Variants in KANK1 observed in about 807,000 individuals in gnomAD.
KANK1 encodes the protein KN motif and ankyrin repeat domains 1, also known as KN motif and ankyrin repeat domain-containing protein 1.
A neutral mutation model predicts 106.2 loss-of-function variants in KANK1; 109 were observed. The ratio of observed to expected loss-of-function variants is 1.03; its 90% CI spans 0.88 to 1.20. KANK1 has a LOEUF of 1.20. Ranked by LOEUF, KANK1 falls within the 50% of genes most tolerant of loss-of-function variation. The pLI is 0.00. For missense variants in KANK1, 2,399 were observed against 1,710.7 expected, an observed-to-expected ratio of 1.40 and a Z score of -7.10; for synonymous variants, 873 against 652.2, an observed-to-expected ratio of 1.34 and a Z score of -5.16.
At chr9:640,753 G>C (rs1838241134) in intron 1 of KANK1, among the ~76,000 whole-genome samples, 1 of 148,076 alleles carries the variant, frequency 6.8e-6, no homozygotes, top group African/African-American at 2.5e-5. Flanking sequence ...CTGCAGTACA[G>C]TGGTGCAATC....
chr9:567,561 C>T (rs1818110009), intron 1 of KANK1, among the ~76,000 whole-genome samples: 1 of 152,230 alleles, frequency 6.6e-6, no homozygotes, highest in Admixed American at 6.5e-5. Flanking sequence ...AAAGCAGTTT[C>T]ACTTCCCTCT....
chr9:606,191 CAT>C (rs1563847488), intron 1 of KANK1, among the ~76,000 whole-genome samples: 1 of 150,476 alleles, frequency 6.6e-6, no homozygotes, highest in African/African-American at 2.5e-5. Context: ...ACCACTCACA[CAT>C]ATATACGTAC....
chr9:649,112 A>G lies in KANK1; in HGVS notation c.-83-27778A>G, dbSNP rs115876968. ...CTGTATCTCGTGAATAAGATAATAT[A>G]TTAAGTCTCCTGGCATATAAGGATA... On this transcript the variant is annotated intron_variant, in intron 1 of 11. Coordinates refer to ENST00000382297, the MANE Select transcript of KANK1 (RefSeq NM_015158.5). Among the ~76,000 whole-genome samples, 412 of 152,288 alleles carry G rather than the reference A, an allele frequency of 2.7e-3. 7 individuals carry two copies. Among genetic ancestry groups the G allele is most frequent in the African/African-American group, 9.9e-3 (410 of 41,534 alleles).
intron 2 of KANK1, among the ~76,000 whole-genome samples, chr9:682,148 T>C (rs140305523): frequency 0.015 from 2,280 of 151,828 alleles, 39 homozygotes; most frequent in Middle Eastern, 0.058. Context: ...GGTGTGGTGG[T>C]GGGCGCCTGT....
At chr9:610,674 C>G (rs899507208) in intron 1 of KANK1, among the ~76,000 whole-genome samples, 1 of 152,126 alleles carries the variant, frequency 6.6e-6, no homozygotes, top group African/African-American at 2.4e-5. Flanking sequence ...TTGAAGAATC[C>G]TTGTAGATAA....
intron 2 of KANK1, among the ~76,000 whole-genome samples, chr9:705,087 A>G (rs1823712925): frequency 1.3e-5 from 2 of 152,118 alleles, no homozygotes; most frequent in Admixed American, 1.3e-4. Flanking sequence ...TCCACAACCT[A>G]AAGATAACAA....
intron 1 of KANK1, among the ~76,000 whole-genome samples, chr9:511,014 T>C (rs910606667): frequency 1.2e-4 from 18 of 152,296 alleles, no homozygotes; most frequent in African/African-American, 4.3e-4. Context: ...ACTAGAAAGC[T>C]AAGAGTTCAT....
At chr9:536,752 A>T (rs1243003564) in intron 1 of KANK1, among the ~76,000 whole-genome samples, 4 of 152,172 alleles carry the variant, frequency 2.6e-5, no homozygotes, top group African/African-American at 9.7e-5. Flanking sequence ...TTTGCCATGA[A>T]TGTAACATAG....
At chr9:596,875 C>T (rs879439833) in intron 1 of KANK1, among the ~76,000 whole-genome samples, 3 of 151,772 alleles carry the variant, frequency 2.0e-5, no homozygotes, top group Non-Finnish European at 4.4e-5. Flanking sequence ...AAGAAAACCC[C>T]GTACCCAGTA....
At chr9:701,481 C>G (rs1223854538) in intron 2 of KANK1, among the ~76,000 whole-genome samples, 1 of 152,170 alleles carries the variant, frequency 6.6e-6, no homozygotes, top group East Asian at 1.9e-4. Context: ...CCAGCACAGG[C>G]TTTCTCAGCC....
intron 1 of KANK1, among the ~76,000 whole-genome samples, chr9:630,541 A>G (rs963718160): frequency 1.3e-5 from 2 of 152,034 alleles, no homozygotes; most frequent in African/African-American, 4.8e-5. Context: ...ACAGAGCGAG[A>G]CTCAGAAGGA....
chr9:709,919 C>A (rs1025359984), intron 2 of KANK1, among the ~76,000 whole-genome samples: 1 of 151,998 alleles, frequency 6.6e-6, no homozygotes, highest in Non-Finnish European at 1.5e-5. Flanking sequence ...CCCAGCCTTT[C>A]GTGTCTTTTA....
At chr9:643,807 A>G (rs967980508) in intron 1 of KANK1, among the ~76,000 whole-genome samples, 1 of 150,404 alleles carries the variant, frequency 6.6e-6, no homozygotes, top group African/African-American at 2.5e-5. Context: ...GGTTCAAACA[A>G]TTCTCCTGCC....
intron 2 of KANK1, among the ~76,000 whole-genome samples, chr9:703,965 C>T (rs540244314): frequency 3.3e-5 from 5 of 150,772 alleles, no homozygotes; most frequent in African/African-American, 4.8e-5. Context: ...CTGCCCACCT[C>T]GGCCTCCCAA....
chr9:698,148 A>G (rs1197920733), intron 2 of KANK1, among the ~76,000 whole-genome samples: 1 of 152,200 alleles, frequency 6.6e-6, no homozygotes, highest in Non-Finnish European at 1.5e-5. Context: ...GGATAGGTAC[A>G]CAAAGCTGGA....
intron 3 of KANK1, among the ~76,000 whole-genome samples, chr9:498,474 T>G (rs111337161): frequency 1.3e-5 from 2 of 152,202 alleles, no homozygotes; most frequent in African/African-American, 4.8e-5. Context: ...GTCAGTAGGA[T>G]AGTCCTCCTT....
intron 1 of KANK1, 53 bp downstream of exon 1, chr9:504,807 C>G (rs1239320356): frequency 1.4e-5 from 2 of 147,074 alleles, no homozygotes; most frequent in African/African-American, 2.6e-5. Context: ...GAGGTTGTCC[C>G]GGAGCGCGAG....
chr9:689,079 G>C (rs1230740310), intron 2 of KANK1, among the ~76,000 whole-genome samples: 1 of 152,086 alleles, frequency 6.6e-6, no homozygotes, highest in Admixed American at 6.5e-5. Context: ...TTAGTTCTGT[G>C]TCCCCCCAAT....
intron 5 of KANK1, 44 bp downstream of exon 5, chr9:731,310 C>G (rs761140202): frequency 8.7e-7 from 1 of 1,151,502 alleles, no homozygotes; most frequent in South Asian, 1.3e-5. Context: ...TGTCAGTCTC[C>G]TTTACCTCCT....
Sources: allele counts gnomAD v4.1 joint callset (sites outside exome capture counted in the v4.1 genomes callset), GRCh38; gene constraint gnomAD v4.1.1; transcripts MANE v1.5; gene names NCBI Gene and HGNC (gene_info 2026-07-23, HGNC 2026-07-21).